The following BIRC3 variants were observed in gnomAD, a reference collection of about 807,000 sequenced individuals.
The protein encoded by BIRC3 is baculoviral IAP repeat containing 3, also known as baculoviral IAP repeat-containing protein 3.
A neutral mutation model predicts 59.0 loss-of-function variants in BIRC3; 26 were observed. The ratio of observed to expected loss-of-function variants is 0.44; its 90% confidence interval spans 0.32 to 0.61. The LOEUF (loss-of-function observed/expected upper bound fraction) is 0.61. Ranked by LOEUF, BIRC3 falls within the 20% of genes least tolerant of loss-of-function variation. The pLI is 0.04. For synonymous variants in BIRC3, 243 were observed against 249.2 expected (o/e 0.98, Z 0.24); for missense variants, 641 against 711.5 (o/e 0.90, Z 1.13).
chr11:102,328,909 T>C lies in BIRC3; in HGVS notation c.1045T>C (p.Ser349Pro). The C allele has an allele frequency of 7.3e-7, 1 of 1,369,810 alleles. No individual in the cohort carries two copies. The highest frequency in any genetic ancestry group is 9.5e-7 in the Non-Finnish European group (1 of 1,050,470). 84.9% of individuals were successfully genotyped at this position (1,369,810 alleles called of 1,614,324 possible). A position where few individuals can be genotyped will look rare whatever the true frequency, so the allele number is the denominator to read the frequency against. The part of the protein sequence containing the change: ...PHLLEQLLST[S>P]DSPGDENAES... ...TTTTTTTCTGCAGCTGCTATCCACA[T>C]CAGACAGCCCAGGAGATGAAAATGC... Residue 349 changes from serine to proline, a missense_variant, in exon 5 of 9, where the codon TCA becomes CCA. Physicochemically the swap from Ser to Pro is moderately conservative, Grantham distance 74 (BLOSUM62 -1). This residue lies in a region of BIRC3 where 268 missense variants were observed against 255.7 expected (regional missense o/e 1.05). Transcript: ENST00000263464.
intron 3 of BIRC3, chr11:102,326,729 A>G (rs895633418): frequency 4.4e-6 from 2 of 454,588 alleles, no homozygotes; most frequent in Admixed American, 2.4e-5. Flanking sequence ...TTCTTTTGAG[A>G]TGGAGCCTGG....
intron 1 of BIRC3, among the ~76,000 whole-genome samples, chr11:102,320,757 G>A (rs189601226): frequency 6.6e-6 from 1 of 152,158 alleles, no homozygotes; most frequent in Non-Finnish European, 1.5e-5. Flanking sequence ...TAATTCTGCT[G>A]TAAGAAAAAC....
chr11:102,328,322 T>C (rs1951104958), intron 4 of BIRC3, among the ~76,000 whole-genome samples, 192 bp downstream of exon 4: 1 of 152,226 alleles, frequency 6.6e-6, no homozygotes, highest in Non-Finnish European at 1.5e-5. Flanking sequence ...GGTAGTCTCC[T>C]GATAATGACA....
Position 102,323,022 on chromosome 11 carries a change from T to C in BIRC3, c.-1488T>C, listed in dbSNP as rs1481421156. The C allele has an allele frequency of 2.5e-5, 5 of 200,430 alleles. No individual in the cohort carries two copies. In the East Asian group the frequency reaches 3.1e-4, roughly 12 times the overall value. 12.4% of individuals were successfully genotyped at this position (200,430 alleles called of 1,614,324 possible). A position where few individuals can be genotyped will look rare whatever the true frequency, so the allele number is the denominator to read the frequency against. On this transcript the variant is annotated 5_prime_UTR_variant, in exon 2 of 9. Transcript: ENST00000263464. ...AAACTAAATTGATGCAATTTGATTA[T>C]CCATCTTAGCCTACAGATGGCATCT...
intron 7 of BIRC3, 55 bp downstream of exon 7, chr11:102,336,275 C>T (rs879848836): frequency 5.4e-6 from 8 of 1,494,042 alleles, no homozygotes; most frequent in Middle Eastern, 4.3e-4. Context: ...AAAATACGCT[C>T]TTATTAATAA....
At chr11:102,329,626 T>C (rs1218794180) in intron 5 of BIRC3, among the ~76,000 whole-genome samples, 1 of 152,198 alleles carries the variant, frequency 6.6e-6, no homozygotes, top group Non-Finnish European at 1.5e-5. Flanking sequence ...GATGAGTTCA[T>C]GTCCTTTATA....
chr11:102,332,987 C>T (rs566782822), intron 6 of BIRC3, among the ~76,000 whole-genome samples: 1 of 152,320 alleles, frequency 6.6e-6, no homozygotes, highest in South Asian at 2.1e-4. Flanking sequence ...AAACTATCCA[C>T]TTATAAAATA....
chr11:102,319,387 T>C (rs1459416980), intron 1 of BIRC3, among the ~76,000 whole-genome samples: 2 of 151,976 alleles, frequency 1.3e-5, no homozygotes, highest in Admixed American at 1.3e-4. Flanking sequence ...AAAGTTGAGA[T>C]AGATTTAAGC....
In BIRC3 at chr11:102,325,063, C is replaced by A; in HGVS notation, c.554C>A (p.Ser185Ter). 3.1e-6 allele frequency: 5 copies of A among 1,614,158 alleles called. No homozygotes were observed. Among genetic ancestry groups the A allele is most frequent in the Non-Finnish European group, 3.4e-6 (4 of 1,180,012 alleles). The change falls in exon 2 of 9, where the codon TCG (serine) becomes TAG (stop). Residue 185 changes from serine to a stop codon, truncating the protein, a stop_gained. Transcript: ENST00000263464. LOFTEE classifies it high-confidence loss of function. ...CAGACATGGCCATTGACTTTTCTGT[C>A]GCCAACAGATCTGGCAAAAGCAGGC... ...TFQTWPLTFL[S>*]PTDLAKAGFY...
intron 3 of BIRC3, chr11:102,326,669 G>T (rs1951084215): frequency 2.2e-6 from 1 of 453,340 alleles, no homozygotes; most frequent in African/African-American, 2.0e-5. Context: ...GGTTAATATC[G>T]ATTAATAAAT....
At position 102,331,712 on chromosome 11, in the gene BIRC3, T is replaced by C. The variant is rs1043052373; in HGVS notation, c.1324+471T>C. Among the ~76,000 whole-genome samples, 6 of 152,184 alleles carry C rather than the reference T, an allele frequency of 3.9e-5. No homozygotes were observed. In the East Asian group the frequency reaches 1.2e-3, roughly 29 times the overall value. On this transcript the variant is annotated intron_variant, in intron 6 of 8. Coordinates refer to ENST00000263464, the MANE Select transcript of BIRC3 (RefSeq NM_001165.5). Reference sequence around the variant, plus strand: ...CATGCTGGAGTGCAGTGGCATGATCTCAACTCACTGCAACTTCTGCCTCCT... The same window carrying C: ...CATGCTGGAGTGCAGTGGCATGATCCCAACTCACTGCAACTTCTGCCTCCT...
intron 1 of BIRC3, among the ~76,000 whole-genome samples, chr11:102,319,352 G>A (rs1193780465): frequency 6.6e-6 from 1 of 152,058 alleles, no homozygotes; most frequent in Admixed American, 6.6e-5. Flanking sequence ...GGCCGAAAGA[G>A]AATTTTAAAA....
chr11:102,334,674 A>C (rs1951178718), intron 6 of BIRC3, among the ~76,000 whole-genome samples: 1 of 152,204 alleles, frequency 6.6e-6, no homozygotes, highest in African/African-American at 2.4e-5. Flanking sequence ...GCTATATGAA[A>C]ATTAATAAAC....
Position 102,324,672 on chromosome 11 carries a change from T to G in BIRC3, c.163T>G (p.Phe55Val). The G allele has an allele frequency of 6.2e-7, 1 of 1,614,178 alleles. No individual in the cohort carries two copies. Among genetic ancestry groups the G allele is most frequent in the Non-Finnish European group, 8.5e-7 (1 of 1,180,014 alleles). Reference sequence around the variant, plus strand: ...AGAAAGGAGTCTTGCTCGTGCTGGTTTCTATTACACTGGTGTGAATGACAA... The same window carrying G: ...AGAAAGGAGTCTTGCTCGTGCTGGTGTCTATTACACTGGTGTGAATGACAA... Reference protein sequence around the residue: ...VSERSLARAGFYYTGVNDKVK... With the variant: ...VSERSLARAGVYYTGVNDKVK... The change falls in exon 2 of 9, where the codon TTC becomes GTC. Residue 55 changes from phenylalanine to valine, a missense_variant. Coordinates refer to ENST00000263464, the MANE Select transcript of BIRC3 (RefSeq NM_001165.5).
chr11:102,330,859 A>G, intron 5 of BIRC3, 140 bp from the exon 6 acceptor site: 1 of 820,818 alleles, frequency 1.2e-6, no homozygotes, highest in Non-Finnish European at 1.8e-6. Flanking sequence ...CAATGTTCAT[A>G]CAAAATAATG....
intron 1 of BIRC3, among the ~76,000 whole-genome samples, chr11:102,317,802 A>G (rs79578515): frequency 1.3e-5 from 2 of 152,210 alleles, no homozygotes; most frequent in Non-Finnish European, 2.9e-5. Flanking sequence ...CTCAATTTCT[A>G]TTTCACGTTT....
rs1951068796 is a variant in BIRC3 at position 102,325,080 on chromosome 11, A to G, written c.571A>G (p.Lys191Glu). 6.2e-7 allele frequency: 1 copy of G among 1,614,106 alleles called. No individual in the cohort carries two copies. Among genetic ancestry groups the G allele is most frequent in the Admixed American group, 1.7e-5 (1 of 60,008 alleles). Residue 191 changes from lysine to glutamate, a missense_variant, in exon 2 of 9, where the codon AAA becomes GAA. This residue lies in a region of BIRC3 where 329 missense variants were observed against 365.6 expected (regional missense o/e 0.90). Transcript: ENST00000263464. ...TTTTCTGTCGCCAACAGATCTGGCA[A>G]AAGCAGGCTTTTACTACATAGGACC... The part of the protein sequence containing the change: ...LTFLSPTDLA[K>E]AGFYYIGPGD...
intron 6 of BIRC3, among the ~76,000 whole-genome samples, chr11:102,332,336 TACTGGAG>T (rs1951151650): frequency 6.6e-6 from 1 of 152,182 alleles, no homozygotes; most frequent in African/African-American, 2.4e-5. Flanking sequence ...AACAAGCTCT[TACTGGAG>T]ACTTAAGGAA....
chr11:102,329,097 C>T, intron 5 of BIRC3, 152 bp downstream of exon 5: 1 of 359,538 alleles, frequency 2.8e-6, no homozygotes, highest in Non-Finnish European at 4.8e-6. Context: ...TCCCAAACTT[C>T]AGTGCATATC....
Sources: allele counts gnomAD v4.1 joint callset (sites outside exome capture counted in the v4.1 genomes callset), GRCh38; gene constraint gnomAD v4.1.1; regional missense constraint gnomAD v4.1.1; transcripts MANE v1.5; gene names NCBI Gene and HGNC (gene_info 2026-07-23, HGNC 2026-07-21).